Variants in SYT6 observed in about 807,000 individuals in gnomAD.
SYT6 encodes the protein synaptotagmin 6, also known as synaptotagmin-6.
A neutral mutation model predicts 38.4 loss-of-function variants in SYT6; 24 were observed. The ratio of observed to expected loss-of-function variants is 0.62; its 90% confidence interval spans 0.45 to 0.88. SYT6 has a LOEUF of 0.88. SYT6 is among the 40% of genes least tolerant of loss of function. SYT6 has a pLI of 0.00. For missense variants in SYT6, 611 were observed against 621.0 expected, an observed-to-expected ratio of 0.98 and a Z score of 0.17; for synonymous variants, 265 against 241.9, an observed-to-expected ratio of 1.10 and a Z score of -0.89.
In SYT6 at chr1:114,098,821, G is replaced by A. The variant is rs571502737; in HGVS notation, c.1364+273C>T. 5.3e-5 allele frequency among the ~76,000 whole-genome samples: 8 copies of A among 152,348 alleles called. No individual in the cohort carries two copies. In the South Asian group the frequency reaches 1.2e-3, roughly 24 times the overall value. On this transcript the variant is annotated intron_variant, in intron 5 of 7. Coordinates refer to ENST00000610222, the MANE Select transcript of SYT6 (RefSeq NM_001253772.2). ...TAATAGGACTTGGTGCCAGATGGAA[G>A]AATGGGAATAGCAAGGGGTGAATTC... is the stretch of plus-strand genomic sequence containing the variant.
At chr1:114,137,445 A>T (rs1177539120) in intron 3 of SYT6, 50 bp downstream of exon 3, 1 of 1,569,526 alleles carries the variant, frequency 6.4e-7, no homozygotes, top group Non-Finnish European at 8.7e-7. Context: ...TGTCCCACCC[A>T]ACCCAGAACC....
intron 1 of SYT6, among the ~76,000 whole-genome samples, chr1:114,144,207 A>G (rs142128139): frequency 2.0e-5 from 3 of 152,308 alleles, no homozygotes; most frequent in East Asian, 3.9e-4. Flanking sequence ...CTCTCTTTGT[A>G]AGGATATGTC....
chr1:114,112,807 G>T lies in SYT6; in HGVS notation c.1072-9086C>A, dbSNP rs142612736. Among the ~76,000 whole-genome samples, 400 of 152,324 alleles carry T rather than the reference G, an allele frequency of 2.6e-3. 5 individuals are homozygous for T. The highest frequency in any genetic ancestry group is 0.02 in the East Asian group (106 of 5,172). ...CCATCTTAATTTCTTGTCACAAGTT[G>T]TCTTGCCGAGTGGCTGTCAAATAGC... On this transcript the variant is annotated intron_variant, in intron 3 of 7. Coordinates refer to ENST00000610222, the MANE Select transcript of SYT6 (RefSeq NM_001253772.2).
chr1:114,092,212 T>A (rs1675345328), intron 7 of SYT6, 130 bp from the exon 8 acceptor site: 14 of 871,614 alleles, frequency 1.6e-5, no homozygotes, highest in Non-Finnish European at 2.2e-5. Flanking sequence ...AATTTTGCTG[T>A]CAGCCATGCA....
intron 3 of SYT6, among the ~76,000 whole-genome samples, chr1:114,129,781 G>A (rs190238839): frequency 3.3e-5 from 5 of 150,798 alleles, no homozygotes; most frequent in East Asian, 3.9e-4. Context: ...AGGCTCAAGC[G>A]ATTGTCCCAC....
In SYT6 at chr1:114,139,789, C is replaced by G. The variant is rs1182700035; in HGVS notation, c.338G>C (p.Gly113Ala). 3 of 1,611,446 alleles carry G rather than the reference C, an allele frequency of 1.9e-6. No individual in the cohort carries two copies. Among genetic ancestry groups the G allele is most frequent in the African/African-American group, 2.7e-5 (2 of 74,894 alleles). ...GTCCTTCAGCTTGTCCGCCATGTTG[C>G]CTCTGAAGCTGGGGCTCTGGAGGGC... ...LEALQSPSFR[G>A]NMADKLKDPS... Residue 113 changes from glycine (G) to alanine (A), a missense_variant, in exon 2 of 8, where the codon GGC becomes GCC. Physicochemically the swap from Gly to Ala is moderately conservative, Grantham distance 60. Transcript: ENST00000610222.
rs560407449 is a variant in SYT6 at position 114,117,085 on chromosome 1, C to T, written c.1072-13364G>A. Among the ~76,000 whole-genome samples, 20 of 152,288 alleles carry T rather than the reference C, an allele frequency of 1.3e-4. No homozygotes were observed. The South Asian group carries it at 1.7e-3, about 13-fold the overall frequency. On this transcript the variant is annotated intron_variant, in intron 3 of 7. Coordinates refer to ENST00000610222, the MANE Select transcript of SYT6 (RefSeq NM_001253772.2). Reference sequence around the variant, plus strand: ...TTTTAGTATAAACAGTTCCAAGGAGCGATGCATGGAGTTGGGCACAGAACC... The same window carrying T: ...TTTTAGTATAAACAGTTCCAAGGAGTGATGCATGGAGTTGGGCACAGAACC...
intron 3 of SYT6, among the ~76,000 whole-genome samples, chr1:114,113,555 C>A (rs1334119583): frequency 6.6e-6 from 1 of 152,206 alleles, no homozygotes; most frequent in Non-Finnish European, 1.5e-5. Context: ...CCCAACCTGG[C>A]CCATCCATCC....
intron 1 of SYT6, 132 bp from the exon 2 acceptor site, chr1:114,140,095 C>T: frequency 1.8e-6 from 1 of 569,508 alleles, no homozygotes; most frequent in Non-Finnish European, 3.0e-6. Flanking sequence ...CATGAGAAAG[C>T]TGCCAGGTCA....
In SYT6 at chr1:114,137,581, C is replaced by CA; in HGVS notation, c.984dup (p.Gly329TrpfsTer10). 1.2e-6 allele frequency: 2 copies of CA among 1,614,168 alleles called. No individual in the cohort carries two copies. Among genetic ancestry groups the CA allele is most frequent in the Non-Finnish European group, 1.7e-6 (2 of 1,180,034 alleles). On this transcript the variant is annotated frameshift_variant, in exon 3 of 8. Coordinates refer to ENST00000610222, the MANE Select transcript of SYT6 (RefSeq NM_001253772.2). LOFTEE classifies it high-confidence loss of function. ...AAGAGGTTGTCCAGGATGACCTCGC[C>CA]AATCATGTCATGGCGGGAGAAGCGG...
Position 114,139,598 on chromosome 1 carries a change from A to G in SYT6, c.512+17T>C. ...TGGAGGTGTGGGGGTCAGGGAAGGGAGTGGTCCACTCCTCACCTGGTGGAT... is the reference window on the plus strand; with the variant it reads ...TGGAGGTGTGGGGGTCAGGGAAGGGGGTGGTCCACTCCTCACCTGGTGGAT... On this transcript the variant is annotated intron_variant, in intron 2 of 7. Coordinates refer to ENST00000610222, the MANE Select transcript of SYT6 (RefSeq NM_001253772.2). 6.2e-7 allele frequency: 1 copy of G among 1,613,708 alleles called. No homozygotes were observed. The highest frequency in any genetic ancestry group is 8.5e-7 in the Non-Finnish European group (1 of 1,179,882).
chr1:114,126,411 G>A (rs1677739856), intron 3 of SYT6, among the ~76,000 whole-genome samples: 1 of 152,176 alleles, frequency 6.6e-6, no homozygotes, highest in African/African-American at 2.4e-5. Context: ...CTGAATTGCT[G>A]CTGATCTAGG....
In SYT6 at chr1:114,137,849, G is replaced by A. The variant is rs147019827; in HGVS notation, c.717C>T (p.Tyr239=). The change falls in exon 3 of 8, where the codon TAC becomes TAT. Residue 239 remains tyrosine, a synonymous_variant. Coordinates refer to ENST00000610222, the MANE Select transcript of SYT6 (RefSeq NM_001253772.2). ...CAATCAGGGTCTCGGTCTCGTAATC[G>A]TAGCGTAGGCTGAAGTTGATCTTCC... ...SCGKINFSLR[Y]DYETETLIVR... 1.0e-4 allele frequency: 167 copies of A among 1,614,076 alleles called. No homozygotes were observed. In the African/African-American group the frequency reaches 1.4e-3, roughly 13 times the overall value.
rs576658926 is a variant in SYT6, at chr1:114,107,481, G to A, written c.1072-3760C>T. Among the ~76,000 whole-genome samples, 29 of 152,344 alleles carry A rather than the reference G, an allele frequency of 1.9e-4. No individual in the cohort carries two copies. The South Asian group carries it at 6.0e-3, about 32-fold the overall frequency. Reference sequence around the variant, plus strand: ...AGATCCCACTATGACCTGGAGGCAGGGAGGAAACCAGGGCCAGAAGACAAA... The same window carrying A: ...AGATCCCACTATGACCTGGAGGCAGAGAGGAAACCAGGGCCAGAAGACAAA... On this transcript the variant is annotated intron_variant, in intron 3 of 7. Coordinates refer to ENST00000610222, the MANE Select transcript of SYT6 (RefSeq NM_001253772.2).
At chr1:114,138,157 T>C in intron 2 of SYT6, 104 bp from the exon 3 acceptor site, 1 of 1,139,458 alleles carries the variant, frequency 8.8e-7, no homozygotes, top group South Asian at 1.6e-5. Flanking sequence ...TTATCCCTTG[T>C]TGAGCCCCCT....
intron 1 of SYT6, among the ~76,000 whole-genome samples, chr1:114,141,575 G>A (rs1413829816): frequency 2.0e-5 from 3 of 152,236 alleles, no homozygotes; most frequent in Non-Finnish European, 4.4e-5. Flanking sequence ...TGTAGAAACT[G>A]CAGTAAGTGA....
In SYT6 at chr1:114,097,775, G is replaced by T; in HGVS notation, c.1467C>A (p.Pro489=). The change falls in exon 6 of 8, where the codon CCC becomes CCA. Residue 489 remains proline (P), a synonymous_variant. Transcript: ENST00000610222. ...WNEMLAYPRK[P]IAHWHSLVEV... ...CCACCAAGGAGTGCCAGTGTGCGAT[G>T]GGCTTCCGGGGGTATGCCAGCATCT... The T allele has an allele frequency of 6.2e-7, 1 of 1,614,230 alleles. No individual in the cohort carries two copies. The highest frequency in any genetic ancestry group is 8.5e-7 in the Non-Finnish European group (1 of 1,180,048).
intron 3 of SYT6, among the ~76,000 whole-genome samples, chr1:114,128,635 GAACA>G (rs1431574492): frequency 6.6e-6 from 1 of 152,176 alleles, no homozygotes; most frequent in Non-Finnish European, 1.5e-5. Flanking sequence ...CCTTGATGCT[GAACA>G]AACTGGCCAG....
chr1:114,140,225 C>T (rs984017492), intron 1 of SYT6, among the ~76,000 whole-genome samples: 1 of 151,186 alleles, frequency 6.6e-6, no homozygotes, highest in Non-Finnish European at 1.5e-5. Context: ...CCACCCCTAT[C>T]CCCCCAGCCA....
Sources: allele counts gnomAD v4.1 joint callset (sites outside exome capture counted in the v4.1 genomes callset), GRCh38; gene constraint gnomAD v4.1.1; transcripts MANE v1.5; gene names NCBI Gene and HGNC (gene_info 2026-07-23, HGNC 2026-07-21).